Variants in UNC5D observed in about 807,000 individuals in gnomAD.
UNC5D encodes unc-5 netrin receptor D, also known as netrin receptor UNC5D.
Under a neutral mutation model 105.4 loss-of-function variants are expected in UNC5D, and 39 were observed. The observed-to-expected ratio is 0.37, with a 90% CI of 0.29 to 0.48. The LOEUF (loss-of-function observed/expected upper bound fraction) is 0.48. Ranked by LOEUF, UNC5D falls within the 20% of genes least tolerant of loss-of-function variation. UNC5D has a pLI of 0.98. For synonymous variants in UNC5D, 452 were observed against 450.4 expected, an observed-to-expected ratio of 1.00 and a Z score of -0.04; for missense variants, 991 against 1,202.4, an observed-to-expected ratio of 0.82 and a Z score of 2.60.
chr8:35,477,707 A>G (rs940754550), intron 1 of UNC5D, among the ~76,000 whole-genome samples: 3 of 152,140 alleles, frequency 2.0e-5, no homozygotes, highest in Non-Finnish European at 4.4e-5. Flanking sequence ...CCTGAACTTA[A>G]GATCGCATTT....
At chr8:35,294,801 C>A (rs562292029) in intron 1 of UNC5D, among the ~76,000 whole-genome samples, 6 of 151,600 alleles carry the variant, frequency 4.0e-5, no homozygotes, top group African/African-American at 1.5e-4. Context: ...TATTAAGCAG[C>A]TCAACTTTTT....
At chr8:35,782,253 TA>T (rs1022436971) in intron 16 of UNC5D, among the ~76,000 whole-genome samples, 1 of 152,230 alleles carries the variant, frequency 6.6e-6, no homozygotes, top group African/African-American at 2.4e-5. Context: ...CTCTTGAGGA[TA>T]AATGGCTTTT....
At chr8:35,347,619 T>C (rs373069837) in intron 1 of UNC5D, among the ~76,000 whole-genome samples, 35 of 152,102 alleles carry the variant, frequency 2.3e-4, no homozygotes, top group African/African-American at 7.9e-4. Context: ...GGTATTTGAG[T>C]GTCATCATAC....
chr8:35,278,358 A>G (rs1316897455), intron 1 of UNC5D, among the ~76,000 whole-genome samples: 2 of 152,132 alleles, frequency 1.3e-5, no homozygotes, highest in Non-Finnish European at 2.9e-5. Context: ...AAATGTCTTC[A>G]TTAGGGTGGT....
intron 1 of UNC5D, among the ~76,000 whole-genome samples, chr8:35,326,954 A>G (rs918594574): frequency 2.6e-5 from 4 of 152,180 alleles, no homozygotes; most frequent in African/African-American, 9.7e-5. Context: ...AGGTAACATC[A>G]TATTTAATTT....
chr8:35,428,722 A>G (rs1806425311), intron 1 of UNC5D, among the ~76,000 whole-genome samples: 1 of 152,044 alleles, frequency 6.6e-6, no homozygotes, highest in Non-Finnish European at 1.5e-5. Flanking sequence ...GACTTATCCA[A>G]CAGGGTTTTC....
intron 1 of UNC5D, among the ~76,000 whole-genome samples, chr8:35,417,509 A>G (rs754990229): frequency 9.2e-5 from 14 of 151,878 alleles, no homozygotes; most frequent in Non-Finnish European, 1.6e-4. Flanking sequence ...ATTTTCTCCA[A>G]CAGAGCCATT....
chr8:35,692,294 G>A (rs1487381278), intron 7 of UNC5D, among the ~76,000 whole-genome samples: 5 of 152,142 alleles, frequency 3.3e-5, no homozygotes, highest in South Asian at 4.1e-4. Flanking sequence ...TGACCTAGAC[G>A]AAGCACCTGA....
At chr8:35,562,724 C>T (rs1394156786) in intron 2 of UNC5D, among the ~76,000 whole-genome samples, 1 of 152,044 alleles carries the variant, frequency 6.6e-6, no homozygotes, top group Non-Finnish European at 1.5e-5. Context: ...AATCCCTTGT[C>T]AGATAGATAG....
chr8:35,546,699 C>G (rs1239576989), intron 1 of UNC5D, among the ~76,000 whole-genome samples: 1 of 152,112 alleles, frequency 6.6e-6, no homozygotes, highest in African/African-American at 2.4e-5. Flanking sequence ...CCTGCGGGGA[C>G]TTGGTATTTG....
At chr8:35,666,458 TAA>T (rs535194003) in intron 4 of UNC5D, among the ~76,000 whole-genome samples, 3 of 143,998 alleles carry the variant, frequency 2.1e-5, no homozygotes, top group Non-Finnish European at 1.5e-5. Context: ...TCAGCAAGTT[TAA>T]AAAAAAAAAA....
At chr8:35,603,805 C>T (rs976843559) in intron 4 of UNC5D, among the ~76,000 whole-genome samples, 31 of 152,110 alleles carry the variant, frequency 2.0e-4, no homozygotes, top group Non-Finnish European at 4.3e-4. Flanking sequence ...TAATGGCCTT[C>T]TTTGTCTCTT....
At chr8:35,247,026 T>C (rs951083730) in intron 1 of UNC5D, among the ~76,000 whole-genome samples, 2 of 152,040 alleles carry the variant, frequency 1.3e-5, no homozygotes, top group Non-Finnish European at 2.9e-5. Flanking sequence ...GTGAAGTTGC[T>C]TGCTTGGCTT....
At chr8:35,350,182 C>T (rs546085732) in intron 1 of UNC5D, among the ~76,000 whole-genome samples, 13 of 151,792 alleles carry the variant, frequency 8.6e-5, no homozygotes, top group African/African-American at 2.7e-4. Flanking sequence ...ATTATGCGTA[C>T]GAGAATGTTT....
intron 1 of UNC5D, among the ~76,000 whole-genome samples, chr8:35,321,870 C>A (rs758049750): frequency 6.6e-6 from 1 of 152,090 alleles, no homozygotes; most frequent in Non-Finnish European, 1.5e-5. Context: ...TTCACCTTCC[C>A]CTATGCTAAT....
At chr8:35,467,887 A>G (rs149320798) in intron 1 of UNC5D, among the ~76,000 whole-genome samples, 1 of 152,332 alleles carries the variant, frequency 6.6e-6, no homozygotes, top group Non-Finnish European at 1.5e-5. Context: ...GAGAAGTAGT[A>G]TTAGATCACC....
intron 1 of UNC5D, among the ~76,000 whole-genome samples, chr8:35,495,452 C>CAAAAAA: frequency 3.2e-5 from 1 of 31,740 alleles, no homozygotes; most frequent in East Asian, 8.2e-4. Flanking sequence ...TGAACAACAA[C>CAAAAAA]AACAACAAAA....
intron 1 of UNC5D, among the ~76,000 whole-genome samples, chr8:35,371,590 G>A (rs1001838580): frequency 2.6e-5 from 4 of 151,996 alleles, no homozygotes; most frequent in African/African-American, 9.7e-5. Flanking sequence ...TTTTTTTCCT[G>A]ATTTGGTAAG....
At chr8:35,365,300 T>C (rs766167814) in intron 1 of UNC5D, among the ~76,000 whole-genome samples, 3 of 151,958 alleles carry the variant, frequency 2.0e-5, no homozygotes, top group Non-Finnish European at 2.9e-5. Context: ...TTTTATACAG[T>C]CTTCTATCTT....
Sources: gnomAD v4.1 joint callset for allele counts (sites outside exome capture counted in the v4.1 genomes callset) on GRCh38, gnomAD v4.1.1 for gene constraint, MANE v1.5 for transcripts, NCBI Gene and HGNC (gene_info 2026-07-23, HGNC 2026-07-21) for gene names.